The following PCDHA9 variants were observed in gnomAD, a reference collection of about 807,000 sequenced individuals.
The protein encoded by PCDHA9 is protocadherin alpha-9.
In PCDHA9, 62 loss-of-function variants were observed where a neutral mutation model predicts 62.0. The observed-to-expected ratio is 1.00, with a 90% confidence interval of 0.81 to 1.23. The LOEUF is 1.23. PCDHA9 is among the 50% of genes most tolerant of loss of function. PCDHA9 has a pLI of 0.00. For synonymous variants in PCDHA9, 557 were observed against 567.6 expected, an observed-to-expected ratio of 0.98 and a Z score of 0.27; for missense variants, 1,205 against 1,249.8, an observed-to-expected ratio of 0.96 and a Z score of 0.54.
intron 1 of PCDHA9, among the ~76,000 whole-genome samples, chr5:140,941,202 C>CTTTCCTTCTTT (rs1554213921): frequency 8.1e-6 from 1 of 122,742 alleles, no homozygotes; most frequent in Non-Finnish European, 1.8e-5. Flanking sequence ...TTTCTTTCTT[C>CTTTCCTTCTTT]CTTTCTTTCT....
At chr5:141,004,013 G>C (rs1327248207) in intron 3 of PCDHA9, among the ~76,000 whole-genome samples, 4 of 152,124 alleles carry the variant, frequency 2.6e-5, no homozygotes, top group African/African-American at 9.7e-5. Context: ...AGGCAGCACT[G>C]AAAGAAGAAA....
rs1413511622 is a variant in PCDHA9, at chr5:140,853,854, T to A, written c.2394+2965T>A. ...CGAAATTTTAGATCCATAGCCCTAT[T>A]TGATACTTGACAGTGCAAGTTTCTG... On this transcript the variant is annotated intron_variant, in intron 1 of 3. Coordinates refer to ENST00000532602, the MANE Select transcript of PCDHA9 (RefSeq NM_031857.2). The A allele has an allele frequency of 2.1e-5, 21 of 985,682 alleles. 4 individuals carry two copies. The highest frequency in any genetic ancestry group is 2.3e-5 in the Non-Finnish European group (19 of 817,834). The allele number at this position is 985,682 out of a possible 1,614,324, so 61.1% of individuals were successfully genotyped here. A position where few individuals can be genotyped will look rare whatever the true frequency, so the allele number is the denominator to read the frequency against.
chr5:141,010,461 G>C lies in PCDHA9; in HGVS notation c.*524G>C. The C allele has an allele frequency of 1.2e-6, 1 of 823,014 alleles. No individual in the cohort carries two copies. The highest frequency in any genetic ancestry group is 1.8e-6 in the Non-Finnish European group (1 of 553,022). The allele number at this position is 823,014 out of a possible 1,614,324, so 51.0% of individuals were successfully genotyped here. A position where few individuals can be genotyped will look rare whatever the true frequency, so the allele number is the denominator to read the frequency against. On this transcript the variant is annotated 3_prime_UTR_variant, in exon 4 of 4. Coordinates refer to ENST00000532602, the MANE Select transcript of PCDHA9 (RefSeq NM_031857.2). ...GACAAATAAACAGCGGAAGTTATCAGTATGGAGGGGAAGTGTAAACTTAAA... is the reference window on the plus strand; with the variant it reads ...GACAAATAAACAGCGGAAGTTATCACTATGGAGGGGAAGTGTAAACTTAAA...
intron 1 of PCDHA9, chr5:140,884,487 T>C (rs374963144): frequency 6.2e-7 from 1 of 1,613,832 alleles, no homozygotes; most frequent in African/African-American, 1.3e-5. Flanking sequence ...CCCACTCTAG[T>C]GTGCTCCAGC....
intron 1 of PCDHA9, chr5:140,883,644 A>C (rs2059725253): frequency 1.2e-6 from 2 of 1,613,018 alleles, no homozygotes; most frequent in Non-Finnish European, 1.7e-6. Flanking sequence ...GCGCAGCCCG[A>C]GTACACGGTG....
intron 1 of PCDHA9, among the ~76,000 whole-genome samples, chr5:140,942,620 A>C (rs1304224304): frequency 3.5e-5 from 1 of 28,710 alleles, no homozygotes; most frequent in African/African-American, 2.6e-4. Context: ...TGCCAATTGT[A>C]AAAAAAAAAA....
chr5:140,967,959 G>A lies in PCDHA9; in HGVS notation c.2395-10990G>A, dbSNP rs782716187. ...AATGACCAAGACTCAGGCCCCAACC[G>A]GAAAGTGAGCCTGGGTCTGGAGGCC... On this transcript the variant is annotated intron_variant, in intron 1 of 3. Transcript: ENST00000532602. The A allele has an allele frequency of 1.5e-5, 25 of 1,614,046 alleles. No individual in the cohort carries two copies. Among genetic ancestry groups the A allele is most frequent in the Non-Finnish European group, 1.9e-5 (23 of 1,180,058 alleles).
intron 1 of PCDHA9, chr5:140,857,767 C>T: frequency 6.3e-7 from 1 of 1,597,458 alleles, no homozygotes; most frequent in Non-Finnish European, 8.6e-7. Context: ...GCAGCGCGGG[C>T]GGTGCAGTCA....
In PCDHA9 at chr5:141,010,661, C is replaced by T. The variant is rs1331706826; in HGVS notation, c.*724C>T. ...AACAGTTCAGTGTTTTAACAGAGAA[C>T]CACCCTGGGAAACAGAAGCAGATCT... On this transcript the variant is annotated 3_prime_UTR_variant, in exon 4 of 4. Transcript: ENST00000532602. 6.0e-6 allele frequency: 1 copy of T among 166,290 alleles called. No homozygotes were observed. Among genetic ancestry groups the T allele is most frequent in the Non-Finnish European group, 1.3e-5 (1 of 76,066 alleles). 10.3% of individuals were successfully genotyped at this position (166,290 alleles called of 1,614,324 possible).
Position 140,895,882 on chromosome 5 carries a change from G to C in PCDHA9, c.2394+44993G>C, listed in dbSNP as rs1014874596. Among the ~76,000 whole-genome samples the C allele has an allele frequency of 5.3e-5, 8 of 152,250 alleles. No individual in the cohort carries two copies. The East Asian group carries it at 9.6e-4, about 18-fold the overall frequency. On this transcript the variant is annotated intron_variant, in intron 1 of 3. Coordinates refer to ENST00000532602, the MANE Select transcript of PCDHA9 (RefSeq NM_031857.2). ...GCTGGAGTGCAATGGCGCGATCTCGGCTCACTGCAACCTCCGCGTCCCGGG... is the reference window on the plus strand; with the variant it reads ...GCTGGAGTGCAATGGCGCGATCTCGCCTCACTGCAACCTCCGCGTCCCGGG...
chr5:140,954,046 G>C (rs1554221229), intron 1 of PCDHA9, among the ~76,000 whole-genome samples: 1 of 152,124 alleles, frequency 6.6e-6, no homozygotes, highest in African/African-American at 2.4e-5. Context: ...TTGGTTTTCT[G>C]TTCCTGCATT....
chr5:140,851,954 GGT>G, intron 1 of PCDHA9: 1 of 974,722 alleles, frequency 1.0e-6, no homozygotes, highest in Non-Finnish European at 1.2e-6. Flanking sequence ...CTTTCAAAAT[GGT>G]GGTTTTCCAC....
chr5:140,943,359 G>T (rs1374185019), intron 1 of PCDHA9, among the ~76,000 whole-genome samples: 2 of 151,772 alleles, frequency 1.3e-5, no homozygotes, highest in Non-Finnish European at 2.9e-5. Flanking sequence ...TAGAGGAAAG[G>T]AGATCATTAA....
In PCDHA9 at chr5:140,927,786, A is replaced by G. The variant is rs782728309; in HGVS notation, c.2395-51163A>G. 11 of 1,614,074 alleles carry G rather than the reference A, an allele frequency of 6.8e-6. No homozygotes were observed. The East Asian group carries it at 2.0e-4, about 29-fold the overall frequency. On this transcript the variant is annotated intron_variant, in intron 1 of 3. Transcript: ENST00000532602. ...GTGGGGAGGTGCAAGTAGCTGCTTC[A>G]CTAGGTCCGCCTGAAACGCTCTTGG...
intron 1 of PCDHA9, chr5:140,871,603 T>C (rs919844711): frequency 6.2e-6 from 9 of 1,443,200 alleles, no homozygotes; most frequent in Admixed American, 5.5e-5. Flanking sequence ...AACCAGTGTT[T>C]TGAATATTGT....
chr5:140,876,313 A>T, intron 1 of PCDHA9: 1 of 1,614,022 alleles, frequency 6.2e-7, no homozygotes, highest in East Asian at 2.2e-5. Flanking sequence ...TTCCTATGGG[A>T]TCAAAATGAT....
chr5:140,869,933 T>A, intron 1 of PCDHA9: 1 of 1,611,316 alleles, frequency 6.2e-7, no homozygotes, highest in Non-Finnish European at 8.5e-7. Context: ...AATGGAGAGG[T>A]AACATACTCC....
chr5:140,928,450 G>C, intron 1 of PCDHA9: 2 of 1,614,146 alleles, frequency 1.2e-6, no homozygotes, highest in Non-Finnish European at 8.5e-7. Flanking sequence ...GCAGCTCAGG[G>C]GGTTTCATTT....
At chr5:140,961,446 T>G (rs1318543773) in intron 1 of PCDHA9, among the ~76,000 whole-genome samples, 1 of 152,238 alleles carries the variant, frequency 6.6e-6, no homozygotes. Flanking sequence ...CTAACTACAC[T>G]GTCTTGCAGC....
Sources: gnomAD v4.1 joint callset for allele counts (sites outside exome capture counted in the v4.1 genomes callset) on GRCh38, gnomAD v4.1.1 for gene constraint, MANE v1.5 for transcripts, NCBI Gene and HGNC (gene_info 2026-07-23, HGNC 2026-07-21) for gene names.